STARD9: variants seen among roughly 807,000 people sequenced by gnomAD.
STARD9 encodes the protein StAR related lipid transfer domain containing 9.
A neutral mutation model predicts 399.8 loss-of-function variants in STARD9; 346 were observed. That is an observed-to-expected ratio of 0.87 (90% confidence interval 0.79 to 0.95). The LOEUF is 0.95. Among genes scored for constraint, STARD9 ranks in the 40% least tolerant of loss-of-function variants. The pLI is 0.00. For missense variants in STARD9, 5,832 were observed against 5,667.5 expected (o/e 1.03, Z -0.93); for synonymous variants, 2,203 against 2,143.5 (o/e 1.03, Z -0.77).
chr15:42,589,807 A>G (rs369984338), intron 3 of STARD9, among the ~76,000 whole-genome samples: 82 of 151,280 alleles, frequency 5.4e-4, no homozygotes, highest in African/African-American at 1.8e-3. Context: ...GGGTTTCACT[A>G]TGTTGGCCAG....
intron 7 of STARD9, among the ~76,000 whole-genome samples, chr15:42,645,399 C>T (rs974466888): frequency 6.6e-6 from 1 of 152,142 alleles, no homozygotes; most frequent in African/African-American, 2.4e-5. Flanking sequence ...GGTGACCAGG[C>T]ACACTGTCAA....
intron 3 of STARD9, among the ~76,000 whole-genome samples, chr15:42,619,359 C>A (rs141542733): frequency 6.6e-6 from 1 of 151,688 alleles, no homozygotes; most frequent in African/African-American, 2.4e-5. Flanking sequence ...CCTTTTAAGA[C>A]GGGATTTTCA....
intron 20 of STARD9, among the ~76,000 whole-genome samples, chr15:42,681,098 T>G (rs1271751599): frequency 1.3e-5 from 2 of 152,210 alleles, no homozygotes; most frequent in African/African-American, 4.8e-5. Context: ...AGGACCAAAC[T>G]TCTGAATTTA....
chr15:42,688,538 A>G lies in STARD9; in HGVS notation c.6960A>G (p.Thr2320=). The G allele has an allele frequency of 6.5e-7, 1 of 1,537,892 alleles. No homozygotes were observed. Reference sequence around the variant, plus strand: ...CTGTCAGCCCATTACTAAGCCGGACAGAATTCTGTACAGCTCCTCTTCACC... The same window carrying G: ...CTGTCAGCCCATTACTAAGCCGGACGGAATTCTGTACAGCTCCTCTTCACC... ...QETVSPLLSR[T]EFCTAPLHQD... Residue 2320 remains threonine (T), a synonymous_variant, in exon 23 of 33, where the codon ACA becomes ACG. Coordinates refer to ENST00000290607, the MANE Select transcript of STARD9 (RefSeq NM_020759.3).
intron 1 of STARD9, among the ~76,000 whole-genome samples, chr15:42,577,031 G>T (rs1275978937): frequency 6.6e-6 from 1 of 152,180 alleles, no homozygotes; most frequent in Non-Finnish European, 1.5e-5. Flanking sequence ...TGCTATGCTG[G>T]AGGTAGTCTC....
chr15:42,717,074 T>C (rs1447900145), intron 28 of STARD9, 26 bp downstream of exon 28: 1 of 1,536,800 alleles, frequency 6.5e-7, no homozygotes, highest in Admixed American at 2.0e-5. Flanking sequence ...CACCCATCCC[T>C]ACCATTCCTT....
At chr15:42,633,251 A>T (rs1365292298) in intron 3 of STARD9, among the ~76,000 whole-genome samples, 1 of 152,238 alleles carries the variant, frequency 6.6e-6, no homozygotes, top group African/African-American at 2.4e-5. Flanking sequence ...TGTATTACAG[A>T]TACAAAAATA....
intron 26 of STARD9, among the ~76,000 whole-genome samples, chr15:42,712,080 A>AT (rs201642587): frequency 5.0e-5 from 2 of 40,342 alleles, no homozygotes; most frequent in East Asian, 5.2e-4. Flanking sequence ...ATATATATAT[A>AT]TTATATATAT....
chr15:42,657,829 A>G (rs2059906140), intron 9 of STARD9, among the ~76,000 whole-genome samples: 1 of 152,258 alleles, frequency 6.6e-6, no homozygotes, highest in Non-Finnish European at 1.5e-5. Flanking sequence ...ACACATATAT[A>G]GGCAACTGAT....
chr15:42,695,964 T>G, intron 26 of STARD9, 84 bp downstream of exon 26: 1 of 1,429,356 alleles, frequency 7.0e-7, no homozygotes, highest in Non-Finnish European at 9.2e-7. Context: ...CTCCTGGAGT[T>G]TGGGCAAGAC....
rs2060670218 is a variant in STARD9, at chr15:42,690,684, C to T, written c.9106C>T (p.Leu3036=). Residue 3036 remains leucine, a synonymous_variant, in exon 23 of 33, where the codon CTA becomes TTA. Transcript: ENST00000290607. ...CAAAGATGTTAACAGGGAATTTAGGCTAACAGAGAGCAGCACTTGTGAGCC... is the reference window on the plus strand; with the variant it reads ...CAAAGATGTTAACAGGGAATTTAGGTTAACAGAGAGCAGCACTTGTGAGCC... ...EPKDVNREFR[L]TESSTCEPST... is the part of the protein sequence containing the mutation. 1.3e-6 allele frequency: 2 copies of T among 1,537,228 alleles called. No homozygotes were observed. Among genetic ancestry groups the T allele is most frequent in the Non-Finnish European group, 1.7e-6 (2 of 1,146,900 alleles).
intron 24 of STARD9, 48 bp from the exon 25 acceptor site, chr15:42,695,092 G>C: frequency 6.9e-7 from 1 of 1,443,802 alleles, no homozygotes; most frequent in South Asian, 1.3e-5. Flanking sequence ...GACAGACCAG[G>C]ACTGTCACCC....
chr15:42,631,993 T>A (rs2059341084), intron 3 of STARD9, among the ~76,000 whole-genome samples: 2 of 152,310 alleles, frequency 1.3e-5, no homozygotes, highest in South Asian at 4.1e-4. Context: ...AACATTTCTT[T>A]GTTGATTTTC....
intron 25 of STARD9, among the ~76,000 whole-genome samples, 195 bp from the exon 26 acceptor site, chr15:42,695,548 G>C (rs1004904939): frequency 2.6e-5 from 4 of 152,242 alleles, no homozygotes; most frequent in African/African-American, 9.6e-5. Context: ...GTGAGGTGCA[G>C]GGTGTGGGGA....
chr15:42,694,824 T>C (rs1054585318), intron 24 of STARD9, 99 bp downstream of exon 24: 7 of 904,386 alleles, frequency 7.7e-6, no homozygotes, highest in African/African-American at 1.9e-5. Context: ...GGGTTCTCTA[T>C]AGGAGACAGG....
intron 3 of STARD9, among the ~76,000 whole-genome samples, chr15:42,587,428 A>AG (rs2058299172): frequency 6.6e-6 from 1 of 152,128 alleles, no homozygotes; most frequent in Non-Finnish European, 1.5e-5. Context: ...TTGTAGTCCT[A>AG]ATGTGTTTGC....
intron 8 of STARD9, 85 bp downstream of exon 8, chr15:42,651,170 A>T (rs1272992615): frequency 1.0e-6 from 1 of 982,452 alleles, no homozygotes; most frequent in Non-Finnish European, 1.5e-6. Context: ...GTGTATAATG[A>T]CACTTAAAAT....
chr15:42,641,367 GT>G (rs926040689), intron 7 of STARD9, among the ~76,000 whole-genome samples: 4 of 150,884 alleles, frequency 2.7e-5, no homozygotes, highest in East Asian at 1.9e-4. Flanking sequence ...TCGTTGTTTT[GT>G]TTTTTTTTAA....
At chr15:42,607,613 C>G (rs1357606954) in intron 3 of STARD9, among the ~76,000 whole-genome samples, 2 of 149,632 alleles carry the variant, frequency 1.3e-5, no homozygotes, top group Non-Finnish European at 3.0e-5. Context: ...CAGACTGAAT[C>G]TAGGAGAATC....
Sources: gnomAD v4.1 joint callset for allele counts (sites outside exome capture counted in the v4.1 genomes callset) on GRCh38, gnomAD v4.1.1 for gene constraint, MANE v1.5 for transcripts, NCBI Gene and HGNC (gene_info 2026-07-23, HGNC 2026-07-21) for gene names.